The following KMT2E variants were observed in gnomAD, a reference collection of about 807,000 sequenced individuals.
KMT2E encodes the protein histone reader KMT2E.
KMT2E carries 30 observed loss-of-function variants against 184.6 expected under a neutral mutation model. That is an observed-to-expected ratio of 0.16 (90% CI 0.12 to 0.22). The LOEUF (loss-of-function observed/expected upper bound fraction) is 0.22. KMT2E is among the 10% of genes least tolerant of loss of function. KMT2E has a pLI of 1.00. For missense variants in KMT2E, 2,023 were observed against 2,237.4 expected (o/e 0.90, Z 1.93); for synonymous variants, 815 against 776.5 (o/e 1.05, Z -0.82).
At chr7:105,099,839 G>C (rs939675406) in intron 15 of KMT2E, among the ~76,000 whole-genome samples, 1 of 152,124 alleles carries the variant, frequency 6.6e-6, no homozygotes, top group South Asian at 2.1e-4. Flanking sequence ...GGTTCATCAG[G>C]TAAAGCGCAG....
chr7:105,019,257 A>G (rs949994121), intron 1 of KMT2E, among the ~76,000 whole-genome samples: 2 of 152,182 alleles, frequency 1.3e-5, no homozygotes, highest in African/African-American at 4.8e-5. Context: ...GAGTCAGGAA[A>G]AGCAGTTGGT....
Position 105,113,556 on chromosome 7 carries a change from T to A in KMT2E, c.*223T>A. ...TTATTTTGTAAGTGAACATTCCAGC[T>A]GTTTTTTTCTGGCAGATCTGATGCT... is the stretch of plus-strand genomic sequence containing the variant. On this transcript the variant is annotated 3_prime_UTR_variant, in exon 27 of 27. Coordinates refer to ENST00000311117, the MANE Select transcript of KMT2E (RefSeq NM_182931.3). 1 of 476,742 alleles carries A rather than the reference T, an allele frequency of 2.1e-6. No individual in the cohort carries two copies. The highest frequency in any genetic ancestry group is 3.6e-6 in the Non-Finnish European group (1 of 274,990). 29.5% of individuals were successfully genotyped at this position (476,742 alleles called of 1,614,324 possible). A position where few individuals can be genotyped will look rare whatever the true frequency, so the allele number is the denominator to read the frequency against.
chr7:105,071,253 G>A (rs1400105073), intron 6 of KMT2E, among the ~76,000 whole-genome samples: 1 of 151,732 alleles, frequency 6.6e-6, no homozygotes, highest in Non-Finnish European at 1.5e-5. Context: ...TGGTTCTTTT[G>A]TTATTATAGA....
At chr7:105,057,497 T>G (rs1219309207) in intron 3 of KMT2E, among the ~76,000 whole-genome samples, 2 of 152,042 alleles carry the variant, frequency 1.3e-5, no homozygotes, top group Admixed American at 1.3e-4. Context: ...CAGGCTGGAG[T>G]ACAGTGACAT....
chr7:105,084,361 T>C (rs991171917), intron 13 of KMT2E, among the ~76,000 whole-genome samples: 1 of 152,186 alleles, frequency 6.6e-6, no homozygotes, highest in African/African-American at 2.4e-5. Flanking sequence ...GTGCGGTGGC[T>C]CACACCTGTA....
chr7:105,060,577 C>T (rs541461610), intron 3 of KMT2E, among the ~76,000 whole-genome samples: 7 of 152,110 alleles, frequency 4.6e-5, no homozygotes, highest in Admixed American at 1.3e-4. Context: ...CAGACGTGTG[C>T]CAACACGCTT....
At chr7:105,102,359 T>C in intron 17 of KMT2E, 165 bp downstream of exon 17, 1 of 537,052 alleles carries the variant, frequency 1.9e-6, no homozygotes, top group South Asian at 2.8e-5. Context: ...GTAAAATTAA[T>C]ATAAATGTTT....
At chr7:105,083,787 G>C (rs1797851681) in intron 13 of KMT2E, among the ~76,000 whole-genome samples, 1 of 152,232 alleles carries the variant, frequency 6.6e-6, no homozygotes, top group East Asian at 1.9e-4. Context: ...TTTCTCCTCA[G>C]TGATTTTCTT....
rs77660654 is a variant in KMT2E at position 105,054,338 on chromosome 7, T to G, written c.72-7826T>G. Among the ~76,000 whole-genome samples, 454 of 151,674 alleles carry G rather than the reference T, an allele frequency of 3.0e-3. 15 individuals carry two copies. In the East Asian group the frequency reaches 0.062, roughly 21 times the overall value. On this transcript the variant is annotated intron_variant, in intron 3 of 26. Coordinates refer to ENST00000311117, the MANE Select transcript of KMT2E (RefSeq NM_182931.3). ...GTTGATGTACCCTGTGTTCTGTACC[T>G]CATAAAAAATGAAGGCAAATCATTA...
At chr7:105,052,568 T>C (rs1796391989) in intron 3 of KMT2E, among the ~76,000 whole-genome samples, 1 of 151,972 alleles carries the variant, frequency 6.6e-6, no homozygotes, top group Non-Finnish European at 1.5e-5. Context: ...ATTTTTTATT[T>C]TTATTTCTGA....
At chr7:105,111,676 T>C (rs1584815757) in intron 26 of KMT2E, 149 bp from the exon 27 acceptor site, 1 of 946,978 alleles carries the variant, frequency 1.1e-6, no homozygotes, top group East Asian at 2.7e-5. Context: ...CCTTTTAACA[T>C]CCCAAGCCTC....
rs1584801005 is a variant in KMT2E, at chr7:105,104,730, G to C, written c.2197-709G>C. 3.9e-5 allele frequency: 6 copies of C among 152,248 alleles called. No individual in the cohort carries two copies. In the South Asian group the frequency reaches 8.3e-4, roughly 21 times the overall value. The allele number at this position is 152,248 out of a possible 1,614,324, so 9.4% of individuals were successfully genotyped here. ...ACTGTCCTCATCTCCAGGAGATTCT[G>C]ATGGGCAGCTATTGTAGGAAAACAC... On this transcript the variant is annotated intron_variant, in intron 17 of 26. Coordinates refer to ENST00000311117, the MANE Select transcript of KMT2E (RefSeq NM_182931.3).
chr7:105,015,718 C>T (rs1794689499), intron 1 of KMT2E, among the ~76,000 whole-genome samples: 3 of 151,994 alleles, frequency 2.0e-5, no homozygotes, highest in South Asian at 2.1e-4. Context: ...AGCTCGGGTC[C>T]TCCACACCCC....
intron 3 of KMT2E, among the ~76,000 whole-genome samples, chr7:105,047,367 A>G (rs887652811): frequency 6.6e-6 from 1 of 152,214 alleles, no homozygotes; most frequent in African/African-American, 2.4e-5. Context: ...TAAATTCCCA[A>G]ATGCCAGCCA....
chr7:105,084,658 G>A (rs2097942), intron 13 of KMT2E, among the ~76,000 whole-genome samples: 89,750 of 151,292 alleles, frequency 0.59, 28,384 homozygotes, highest in East Asian at 0.92. Context: ...GTATTGCACT[G>A]AAGACTATGA....
chr7:105,029,584 A>G (rs1584697084), intron 1 of KMT2E, among the ~76,000 whole-genome samples: 1 of 152,152 alleles, frequency 6.6e-6, no homozygotes, highest in South Asian at 2.1e-4. Flanking sequence ...ATGGCGGCTG[A>G]GGGAGAATGA....
At position 105,076,872 on chromosome 7, in the gene KMT2E, TTGTGTGTGTGTGTGTGTGTGTGTG is replaced by T. The variant is rs10598888; in HGVS notation, c.769-67_769-44del. On this transcript the variant is annotated intron_variant, in intron 9 of 26. Transcript: ENST00000311117. ...TCTTTTGTATAGATTGCCGTTAATT[TTGTGTGTGTGTGTGTGTGTGTGTG>T]TGTGTGTGTGTGTGTGTGTGTGTAA... 6.1e-3 allele frequency: 3,867 copies of T among 632,412 alleles called. 45 individuals carry two copies. The East Asian group carries it at 0.063, about 10-fold the overall frequency. The allele number at this position is 632,412 out of a possible 1,614,324, so 39.2% of individuals were successfully genotyped here.
intron 15 of KMT2E, among the ~76,000 whole-genome samples, chr7:105,101,189 C>T (rs532106205): frequency 6.6e-5 from 10 of 152,084 alleles, no homozygotes; most frequent in Non-Finnish European, 1.2e-4. Context: ...AACACTCAGT[C>T]ATCCAAGTGT....
chr7:105,047,241 A>G (rs1040052937), intron 3 of KMT2E, among the ~76,000 whole-genome samples: 3 of 152,254 alleles, frequency 2.0e-5, no homozygotes, highest in African/African-American at 7.2e-5. Context: ...AGACTCCCAG[A>G]AAGAAAATAA....
Sources: gnomAD v4.1 joint callset for allele counts (sites outside exome capture counted in the v4.1 genomes callset) on GRCh38, gnomAD v4.1.1 for gene constraint, MANE v1.5 for transcripts, NCBI Gene and HGNC (gene_info 2026-07-23, HGNC 2026-07-21) for gene names.